The following MGAT5B variants were observed in gnomAD, a reference collection of about 807,000 sequenced individuals.
MGAT5B encodes N-acetylglucosaminyl-transferase Vb.
A neutral mutation model predicts 95.1 loss-of-function variants in MGAT5B; 54 were observed. That is an observed-to-expected ratio of 0.57 (90% CI 0.46 to 0.71). MGAT5B has a LOEUF of 0.71. MGAT5B is among the 30% of genes least tolerant of loss of function. MGAT5B has a pLI of 0.00. For missense variants in MGAT5B, 935 were observed against 1,088.6 expected (o/e 0.86, Z 1.99); for synonymous variants, 464 against 451.0 (o/e 1.03, Z -0.36).
At chr17:76,888,569 TCGTAAATC>T (rs1169743890) in intron 3 of MGAT5B, among the ~76,000 whole-genome samples, 1 of 151,964 alleles carries the variant, frequency 6.6e-6, no homozygotes, top group African/African-American at 2.4e-5. Context: ...AATGCAACTC[TCGTAAATC>T]AGGAGAGGGA....
chr17:76,917,823 A>G lies in MGAT5B; in HGVS notation c.1026-7143A>G, dbSNP rs1968990389. Among the ~76,000 whole-genome samples the G allele has an allele frequency of 6.6e-6, 1 of 152,230 alleles. No individual in the cohort carries two copies. Among genetic ancestry groups the G allele is most frequent in the African/African-American group, 2.4e-5 (1 of 41,470 alleles). ...ACGCCCAGGCCCCAGCCCGGAGCAA[A>G]TAGAGGGACCCTCGGGGTGGCCTGA... On this transcript the variant is annotated intron_variant, in intron 8 of 17. Transcript: ENST00000569840. This position sits in a 1 kb window ranked among gnomAD's most constrained non-coding sequence, Gnocchi z 6.1.
chr17:76,903,285 G>A lies in MGAT5B; in HGVS notation c.446-18G>A, dbSNP rs747388780. ...CTCCTTGGACCAGGGACTTCAGCAAGGTGACCTCTCCCTACAGTGTCAGAA... is the reference window on the plus strand; with the variant it reads ...CTCCTTGGACCAGGGACTTCAGCAAAGTGACCTCTCCCTACAGTGTCAGAA... On this transcript the variant is annotated intron_variant, in intron 4 of 17. Transcript: ENST00000569840. The A allele has an allele frequency of 1.2e-6, 2 of 1,603,600 alleles. No individual in the cohort carries two copies. Among genetic ancestry groups the A allele is most frequent in the South Asian group, 1.1e-5 (1 of 89,352 alleles).
In MGAT5B at chr17:76,869,602, C is replaced by T. The variant is rs2145101926; in HGVS notation, c.68+505C>T. 6.6e-6 allele frequency among the ~76,000 whole-genome samples: 1 copy of T among 152,340 alleles called. No individual in the cohort carries two copies. The highest frequency in any genetic ancestry group is 1.9e-4 in the East Asian group (1 of 5,180). ...CCCCAGCCTTTGGTGGCACTGCTCT[C>T]CTCCCCGCGGGGCTCGGGCCTGGCT... is the stretch of plus-strand genomic sequence containing the variant. On this transcript the variant is annotated intron_variant, in intron 1 of 17. Coordinates refer to ENST00000569840, the MANE Select transcript of MGAT5B (RefSeq NM_001199172.2). This position sits in a 1 kb window ranked among gnomAD's most constrained non-coding sequence, Gnocchi z 7.0.
intron 15 of MGAT5B, among the ~76,000 whole-genome samples, chr17:76,945,331 C>T (rs553541505): frequency 6.6e-6 from 1 of 152,234 alleles, no homozygotes; most frequent in Admixed American, 6.5e-5. Flanking sequence ...ACTCTGTTGC[C>T]CAGGCTGGAG....
At chr17:76,875,049 A>G (rs554806299) in intron 2 of MGAT5B, among the ~76,000 whole-genome samples, 2 of 152,308 alleles carry the variant, frequency 1.3e-5, no homozygotes, top group South Asian at 4.1e-4. Context: ...CAGAGCAAGG[A>G]CCAGAACGTG....
At chr17:76,874,974 C>G (rs916490195) in intron 2 of MGAT5B, among the ~76,000 whole-genome samples, 1 of 152,028 alleles carries the variant, frequency 6.6e-6, no homozygotes, top group South Asian at 2.1e-4. Context: ...TGTGCGTGTA[C>G]GTGGTCTTAA....
intron 15 of MGAT5B, chr17:76,944,023 C>G (rs1026504546): frequency 6.6e-6 from 1 of 152,272 alleles, no homozygotes; most frequent in African/African-American, 2.4e-5. Flanking sequence ...CTGTGGACAT[C>G]TCTGTGTCCA....
rs181720498 is a variant in MGAT5B at position 76,943,041 on chromosome 17, C to T, written c.1848+2193C>T. Among the ~76,000 whole-genome samples, 279 of 150,022 alleles carry T rather than the reference C, an allele frequency of 1.9e-3. 1 individual carries two copies. Among genetic ancestry groups the T allele is most frequent in the African/African-American group, 6.4e-3 (260 of 40,830 alleles). On this transcript the variant is annotated intron_variant, in intron 15 of 17. Transcript: ENST00000569840. ...CCACCTTGGGGATAACTTGCCCCCC[C>T]GGGAGGCCCAGAAAGCGGGGTCGGG...
chr17:76,912,597 A>G lies in MGAT5B; in HGVS notation c.1025+6410A>G, dbSNP rs1968781723. On this transcript the variant is annotated intron_variant, in intron 8 of 17. Coordinates refer to ENST00000569840, the MANE Select transcript of MGAT5B (RefSeq NM_001199172.2). The surrounding 1 kb of genome is among the most constrained non-coding windows in gnomAD (Gnocchi z 5.0). ...GCCACTGATGGAGCAACAAGGCTGG[A>G]CGGATGAGCCGGTCCCGCTCTGCTC... is the stretch of plus-strand genomic sequence containing the variant. Among the ~76,000 whole-genome samples, 4 of 151,246 alleles carry G rather than the reference A, an allele frequency of 2.6e-5. No homozygotes were observed. The Admixed American group carries it at 2.6e-4, about 10-fold the overall frequency.
At chr17:76,937,612 G>A in intron 12 of MGAT5B, among the ~76,000 whole-genome samples, 1 of 152,114 alleles carries the variant, frequency 6.6e-6, no homozygotes, top group African/African-American at 2.4e-5. Context: ...ATGGGTGAGA[G>A]AGAGAGATGG....
intron 2 of MGAT5B, among the ~76,000 whole-genome samples, chr17:76,875,653 C>CT (rs547158669): frequency 0.014 from 935 of 67,084 alleles, 89 homozygotes; most frequent in African/African-American, 0.025. Flanking sequence ...GTCACTTGCA[C>CT]TTTTTTTTTT....
intron 8 of MGAT5B, among the ~76,000 whole-genome samples, chr17:76,909,569 G>T (rs186447980): frequency 6.6e-6 from 1 of 152,332 alleles, no homozygotes; most frequent in East Asian, 1.9e-4. Context: ...GGATGCTGAT[G>T]AGGACAGAGC....
chr17:76,870,198 G>A lies in MGAT5B; in HGVS notation c.68+1101G>A, dbSNP rs370121888. Reference sequence around the variant, plus strand: ...GCCGGCTCCAGACGGGGATGGGGGCGGGGAGACGGTGGCTCACCTGGAGCC... The same window carrying A: ...GCCGGCTCCAGACGGGGATGGGGGCAGGGAGACGGTGGCTCACCTGGAGCC... On this transcript the variant is annotated intron_variant, in intron 1 of 17. Coordinates refer to ENST00000569840, the MANE Select transcript of MGAT5B (RefSeq NM_001199172.2). The surrounding 1 kb of genome is among the most constrained non-coding windows in gnomAD (Gnocchi z 5.0). Among the ~76,000 whole-genome samples the A allele has an allele frequency of 1.3e-5, 2 of 152,190 alleles. No homozygotes were observed. Among genetic ancestry groups the A allele is most frequent in the Non-Finnish European group, 2.9e-5 (2 of 68,020 alleles).
rs368042638 is a variant in MGAT5B, at chr17:76,881,061, T to C, written c.182-1090T>C. Among the ~76,000 whole-genome samples the C allele has an allele frequency of 4.2e-4, 64 of 152,158 alleles. 1 individual carries two copies. The East Asian group carries it at 0.01, about 25-fold the overall frequency. Reference sequence around the variant, plus strand: ...TGATCCATAGGGGTTTGGGAGGAGCTGAGTTGCGGATTTTAGTGCCTGGAG... The same window carrying C: ...TGATCCATAGGGGTTTGGGAGGAGCCGAGTTGCGGATTTTAGTGCCTGGAG... On this transcript the variant is annotated intron_variant, in intron 2 of 17. Transcript: ENST00000569840.
Position 76,938,254 on chromosome 17 carries a change from A to C in MGAT5B, c.1584+111A>C, listed in dbSNP as rs1969740697. 10 of 1,390,628 alleles carry C rather than the reference A, an allele frequency of 7.2e-6. 1 individual carries two copies. The South Asian group carries it at 1.2e-4, about 16-fold the overall frequency. The allele number at this position is 1,390,628 out of a possible 1,614,324, so 86.1% of individuals were successfully genotyped here. On this transcript the variant is annotated intron_variant, in intron 13 of 17. Coordinates refer to ENST00000569840, the MANE Select transcript of MGAT5B (RefSeq NM_001199172.2). The surrounding 1 kb of genome is among the most constrained non-coding windows in gnomAD (Gnocchi z 4.3). ...CCCCTTCCACATATGGACATACCCC[A>C]GCATGCTCTGCTGCCCTGAGCCCCA... is the stretch of plus-strand genomic sequence containing the variant.
intron 4 of MGAT5B, among the ~76,000 whole-genome samples, chr17:76,903,096 C>G (rs1402290444): frequency 6.6e-6 from 1 of 152,176 alleles, no homozygotes; most frequent in Non-Finnish European, 1.5e-5. Flanking sequence ...CTGTTCGCAC[C>G]AGCTCCTCAC....
chr17:76,907,517 A>G (rs1009182888), intron 8 of MGAT5B, among the ~76,000 whole-genome samples: 6 of 152,256 alleles, frequency 3.9e-5, no homozygotes, highest in African/African-American at 1.4e-4. Context: ...AGACTCATCC[A>G]TCCATGTTCT....
chr17:76,925,828 A>C (rs1490969577), intron 9 of MGAT5B, among the ~76,000 whole-genome samples: 2 of 152,066 alleles, frequency 1.3e-5, no homozygotes, highest in Admixed American at 1.3e-4. Flanking sequence ...AGGGCCTCTG[A>C]GTCTTGGCAC....
chr17:76,939,058 G>GTGTGTA (rs1969779927), intron 13 of MGAT5B, among the ~76,000 whole-genome samples: 1 of 151,502 alleles, frequency 6.6e-6, no homozygotes, highest in African/African-American at 2.4e-5. Flanking sequence ...GTGTGTGTGT[G>GTGTGTA]TGTGTGTGTG....
Sources: gnomAD v4.1 joint callset for allele counts (sites outside exome capture counted in the v4.1 genomes callset) on GRCh38, gnomAD v4.1.1 for gene constraint, Gnocchi (gnomAD v3.1) non-coding constraint, MANE v1.5 for transcripts, NCBI Gene and HGNC (gene_info 2026-07-23, HGNC 2026-07-21) for gene names.